The following TIMD4 variants were observed in gnomAD, a reference collection of about 807,000 sequenced individuals.
TIMD4 encodes the protein T-cell immunoglobulin and mucin domain-containing protein 4.
Under a neutral mutation model 41.2 loss-of-function variants are expected in TIMD4, and 31 were observed. The observed-to-expected ratio is 0.75, with a 90% CI of 0.57 to 1.01. The LOEUF is 1.01. TIMD4 is among the 50% of genes least tolerant of loss of function. The probability of loss-of-function intolerance (pLI) is 0.00; values close to 1 mark genes in which losing one functional copy is unlikely to be tolerated. For missense variants in TIMD4, 479 were observed against 472.5 expected (o/e 1.01, Z -0.13); for synonymous variants, 204 against 177.1 (o/e 1.15, Z -1.21).
rs139294635 is a variant in TIMD4, at chr5:156,933,402, T to C, written c.845-7090A>G. Among the ~76,000 whole-genome samples the C allele has an allele frequency of 6.7e-3, 1,016 of 151,924 alleles. 3 individuals carry two copies. The highest frequency in any genetic ancestry group is 0.01 in the Middle Eastern group (3 of 294). ...CCAGGCATTCTAGGCTGCAGTGAGC[T>C]ATGACTGGTTCACTGCACTACAGCT... is the stretch of plus-strand genomic sequence containing the variant. On this transcript the variant is annotated intron_variant, in intron 5 of 8. Transcript: ENST00000274532.
chr5:156,951,549 A>T lies in TIMD4; in HGVS notation c.642T>A (p.Thr214=). The T allele has an allele frequency of 6.2e-7, 1 of 1,614,150 alleles. No individual in the cohort carries two copies. The highest frequency in any genetic ancestry group is 8.5e-7 in the Non-Finnish European group (1 of 1,180,032). The part of the protein sequence containing the change: ...TLPEEATGLL[T]PEPSKEGPIL... ...TGGGCCCTTCCTTAGAAGGCTCGGG[A>T]GTCAGAAGACCTGTGGCTTCCTCCG... Residue 214 remains threonine, a synonymous_variant, in exon 3 of 9, where the codon ACT becomes ACA. Coordinates refer to ENST00000274532, the MANE Select transcript of TIMD4 (RefSeq NM_138379.3).
At chr5:156,926,508 C>T (rs1040271012) in intron 5 of TIMD4, among the ~76,000 whole-genome samples, 196 bp from the exon 6 acceptor site, 10 of 152,202 alleles carry the variant, frequency 6.6e-5, no homozygotes, top group South Asian at 6.2e-4. Flanking sequence ...TGCTATACAA[C>T]GTTATCCCTG....
In TIMD4 at chr5:156,954,680, C is replaced by G. The variant is rs1181844934; in HGVS notation, c.135G>C (p.Trp45Cys). The change falls in exon 2 of 9, where the codon TGG becomes TGC. Residue 45 changes from tryptophan to cysteine, a missense_variant. Trp to Cys is a radical substitution (Grantham distance 215, BLOSUM62 -2). Transcript: ENST00000274532. ...AGCACATGCTGTTGCTGTTGTGAGA[C>G]CAGGATGAGTACAGACAGGGCAAAG... ...RVTLPCLYSS[W>C]SHNSNSMCWG... 1 of 1,614,056 alleles carries G rather than the reference C, an allele frequency of 6.2e-7. No homozygotes were observed. The highest frequency in any genetic ancestry group is 8.5e-7 in the Non-Finnish European group (1 of 1,180,038).
intron 1 of TIMD4, among the ~76,000 whole-genome samples, chr5:156,961,474 C>A (rs1441153419): frequency 6.6e-6 from 1 of 152,108 alleles, no homozygotes; most frequent in African/African-American, 2.4e-5. Flanking sequence ...ATAGAAGCAA[C>A]CTACGTGTCC....
chr5:156,937,554 C>T (rs1213443251), intron 5 of TIMD4, among the ~76,000 whole-genome samples: 1 of 152,190 alleles, frequency 6.6e-6, no homozygotes, highest in African/African-American at 2.4e-5. Flanking sequence ...CAATGAGGAC[C>T]TATCTCGGGG....
intron 6 of TIMD4, among the ~76,000 whole-genome samples, chr5:156,923,275 C>A (rs969813620): frequency 6.6e-6 from 1 of 151,476 alleles, no homozygotes; most frequent in African/African-American, 2.4e-5. Context: ...CAACCTCCCA[C>A]GTAGCTGGGG....
intron 5 of TIMD4, among the ~76,000 whole-genome samples, chr5:156,939,652 G>T (rs982764527): frequency 6.6e-6 from 1 of 152,164 alleles, no homozygotes; most frequent in African/African-American, 2.4e-5. Flanking sequence ...TCCTCATGGA[G>T]CTGCTTTACC....
intron 1 of TIMD4, among the ~76,000 whole-genome samples, chr5:156,961,365 C>G (rs972346798): frequency 6.6e-6 from 1 of 152,202 alleles, no homozygotes; most frequent in South Asian, 2.1e-4. Context: ...TATGATCCAA[C>G]AATCCCACTA....
chr5:156,924,205 C>G, intron 6 of TIMD4: 1 of 443,658 alleles, frequency 2.3e-6, no homozygotes, highest in African/African-American at 2.0e-5. Flanking sequence ...AAAAGGACTT[C>G]CCTCCCCAAA....
rs771775507 is a variant in TIMD4, at chr5:156,948,324, C to CAA, written c.844+90_844+91dup. 9.0e-3 allele frequency: 4,312 copies of CAA among 480,836 alleles called. 62 individuals carry two copies. In the African/African-American group the frequency reaches 0.1, roughly 11 times the overall value. 29.8% of individuals were successfully genotyped at this position (480,836 alleles called of 1,614,324 possible). On this transcript the variant is annotated intron_variant, in intron 5 of 8. Coordinates refer to ENST00000274532, the MANE Select transcript of TIMD4 (RefSeq NM_138379.3). ...GCAACATGGTGAGAACTCATCTCTA[C>CAA]AAAAAAAAAAAAAAGCAAGATTCTG...
At chr5:156,943,088 A>G (rs751205029) in intron 5 of TIMD4, among the ~76,000 whole-genome samples, 4 of 152,190 alleles carry the variant, frequency 2.6e-5, no homozygotes, top group Admixed American at 1.3e-4. Context: ...AAAAAATCAT[A>G]AAACTGGAAA....
chr5:156,942,469 C>T (rs1759667130), intron 5 of TIMD4, among the ~76,000 whole-genome samples: 2 of 152,310 alleles, frequency 1.3e-5, no homozygotes, highest in South Asian at 4.1e-4. Flanking sequence ...CCCCCTACAT[C>T]CCCTGGAAGT....
In TIMD4 at chr5:156,951,728, T is replaced by C; in HGVS notation, c.463A>G (p.Thr155Ala). ...TTRRTTTTSP[T>A]TTRQMTTTPA... is the part of the protein sequence containing the mutation. ...GTTGTTGTCATTTGTCGGGTGGTGG[T>C]GGGGCTTGTTGTTGTTGTTCTGCGT... Residue 155 changes from threonine to alanine, a missense_variant, in exon 3 of 9, where the codon ACC (threonine) becomes GCC (alanine). Physicochemically the swap from Thr to Ala is moderately conservative, Grantham distance 58. Transcript: ENST00000274532. The C allele has an allele frequency of 6.2e-7, 1 of 1,614,046 alleles. No homozygotes were observed. Among genetic ancestry groups the C allele is most frequent in the Admixed American group, 1.7e-5 (1 of 59,994 alleles).
intron 1 of TIMD4, among the ~76,000 whole-genome samples, chr5:156,957,449 G>T (rs1056039668): frequency 2.8e-5 from 4 of 144,414 alleles, no homozygotes; most frequent in African/African-American, 1.0e-4. Flanking sequence ...GGAGGCGGAG[G>T]TTGCAGTGAG....
At chr5:156,953,394 G>T (rs1244876315) in intron 2 of TIMD4, among the ~76,000 whole-genome samples, 5 of 152,048 alleles carry the variant, frequency 3.3e-5, no homozygotes, top group Non-Finnish European at 5.9e-5. Context: ...GGTGGCTCAT[G>T]CTTGTAATCC....
At chr5:156,960,096 GA>G (rs11307840) in intron 1 of TIMD4, among the ~76,000 whole-genome samples, 138,663 of 150,050 alleles carry the variant, frequency 0.92, 64,184 homozygotes, top group African/African-American at 0.98. Context: ...AGGCACCTAT[GA>G]AAAAAAAAAC....
rs753278487 is a variant in TIMD4 at position 156,949,770 on chromosome 5, G to GT, written c.680-40dup. Reference sequence around the variant, plus strand: ...AAGTTGGATAAAAGGCAGCTGAAAAGTAGTTATTGTGTTTGTGGTGGGTGG... The same window carrying GT: ...AAGTTGGATAAAAGGCAGCTGAAAAGTTAGTTATTGTGTTTGTGGTGGGTGG... On this transcript the variant is annotated intron_variant, in intron 3 of 8. Coordinates refer to ENST00000274532, the MANE Select transcript of TIMD4 (RefSeq NM_138379.3). The GT allele has an allele frequency of 3.3e-5, 43 of 1,322,270 alleles. 1 individual carries two copies. The South Asian group carries it at 4.5e-4, about 14-fold the overall frequency. The allele number at this position is 1,322,270 out of a possible 1,614,324, so 81.9% of individuals were successfully genotyped here.
chr5:156,940,245 CACTT>C (rs749058808), intron 5 of TIMD4, among the ~76,000 whole-genome samples: 23 of 152,386 alleles, frequency 1.5e-4, no homozygotes, highest in Admixed American at 3.3e-4. Context: ...GACGGAGTCT[CACTT>C]ACACAGTGCT....
chr5:156,926,158 C>T, intron 6 of TIMD4, 105 bp downstream of exon 6: 1 of 1,170,798 alleles, frequency 8.5e-7, no homozygotes, highest in Non-Finnish European at 1.2e-6. Context: ...CCCACCTTGG[C>T]CTCCCAAAGT....
Sources: gnomAD v4.1 joint callset for allele counts (sites outside exome capture counted in the v4.1 genomes callset) on GRCh38, gnomAD v4.1.1 for gene constraint, MANE v1.5 for transcripts, NCBI Gene and HGNC (gene_info 2026-07-23, HGNC 2026-07-21) for gene names.